Variants in UBAP1 observed in about 807,000 individuals in gnomAD.
The protein encoded by UBAP1 is ubiquitin-associated protein 1.
UBAP1 carries 5 observed loss-of-function variants against 39.0 expected under a neutral mutation model. The observed-to-expected ratio is 0.13, with a 90% CI of 0.07 to 0.27. The LOEUF is 0.27. Ranked by LOEUF, UBAP1 falls within the 10% of genes least tolerant of loss-of-function variation. The pLI is 1.00. For synonymous variants in UBAP1, 211 were observed against 225.1 expected, an observed-to-expected ratio of 0.94 and a Z score of 0.56; for missense variants, 490 against 608.1, an observed-to-expected ratio of 0.81 and a Z score of 2.04.
chr9:34,197,427 C>T (rs2131526097), intron 1 of UBAP1, among the ~76,000 whole-genome samples: 1 of 152,256 alleles, frequency 6.6e-6, no homozygotes, highest in East Asian at 1.9e-4. Context: ...CAAGTGAGAG[C>T]CACTGCACCT....
intron 1 of UBAP1, among the ~76,000 whole-genome samples, chr9:34,183,309 C>T (rs1015196321): frequency 2.0e-5 from 3 of 151,250 alleles, no homozygotes; most frequent in Admixed American, 6.6e-5. Flanking sequence ...TTTGGGGGGC[C>T]GAGGCGGGCG....
chr9:34,200,378 G>C (rs1831300294), intron 1 of UBAP1, among the ~76,000 whole-genome samples: 1 of 152,130 alleles, frequency 6.6e-6, no homozygotes, highest in Non-Finnish European at 1.5e-5. Flanking sequence ...CTGTCAGTCT[G>C]ATCTTCATTC....
At chr9:34,181,028 T>C (rs1337385343) in intron 1 of UBAP1, among the ~76,000 whole-genome samples, 2 of 151,932 alleles carry the variant, frequency 1.3e-5, no homozygotes, top group African/African-American at 4.8e-5. Context: ...CAGGCTGGTC[T>C]CGAACTTCTG....
chr9:34,186,319 C>T (rs988727664), intron 1 of UBAP1, among the ~76,000 whole-genome samples: 4 of 152,094 alleles, frequency 2.6e-5, no homozygotes, highest in Admixed American at 6.6e-5. Context: ...AGATTGGATC[C>T]GGTTCATTAA....
At position 34,251,562 on chromosome 9, in the gene UBAP1, A is replaced by T; in HGVS notation, c.*30A>T. 6.2e-7 allele frequency: 1 copy of T among 1,608,992 alleles called. No homozygotes were observed. The highest frequency in any genetic ancestry group is 8.5e-7 in the Non-Finnish European group (1 of 1,177,708). On this transcript the variant is annotated 3_prime_UTR_variant, in exon 7 of 7. Transcript: ENST00000297661. ...AGGCCCTGCCTAGGCCCTGCCGCAG[A>T]ACCACCATCCCTGGGAGGCCCTGCA...
intron 1 of UBAP1, among the ~76,000 whole-genome samples, chr9:34,209,631 G>T (rs1216654962): frequency 6.6e-6 from 1 of 152,208 alleles, no homozygotes; most frequent in East Asian, 1.9e-4. Flanking sequence ...ATGCTTACTG[G>T]TCTAGAAACC....
chr9:34,242,650 G>A (rs963828507), intron 4 of UBAP1, among the ~76,000 whole-genome samples: 2 of 151,936 alleles, frequency 1.3e-5, no homozygotes, highest in African/African-American at 4.8e-5. Context: ...TCAGCTTCCC[G>A]AATAGCTGGG....
chr9:34,213,774 A>G (rs1389002681), intron 1 of UBAP1, among the ~76,000 whole-genome samples: 2 of 152,166 alleles, frequency 1.3e-5, no homozygotes, highest in Non-Finnish European at 2.9e-5. Context: ...TGAAAACCCT[A>G]AAGCCTCCTC....
chr9:34,236,051 G>A (rs555338916), intron 3 of UBAP1, among the ~76,000 whole-genome samples: 2 of 151,796 alleles, frequency 1.3e-5, no homozygotes, highest in South Asian at 4.2e-4. Flanking sequence ...GTGGAGTCAG[G>A]GTTTCACCAT....
chr9:34,217,783 C>CTTTTTTTTTTTTTTTTTT (rs750494361), intron 1 of UBAP1, among the ~76,000 whole-genome samples: 1 of 41,212 alleles, frequency 2.4e-5, no homozygotes, highest in Non-Finnish European at 4.0e-5. Flanking sequence ...GGATTTCGTT[C>CTTTTTTTTTTTTTTTTTT]TTTTTTTTTT....
At chr9:34,221,311 C>T (rs1023793882) in intron 2 of UBAP1, among the ~76,000 whole-genome samples, 1 of 151,870 alleles carries the variant, frequency 6.6e-6, no homozygotes, top group Non-Finnish European at 1.5e-5. Context: ...GGGTGGATCA[C>T]GAGGTCAGGA....
chr9:34,196,937 T>TGTG (rs1491145601), intron 1 of UBAP1, among the ~76,000 whole-genome samples: 2 of 150,186 alleles, frequency 1.3e-5, no homozygotes, highest in African/African-American at 2.5e-5. Flanking sequence ...TGTGTGTGTG[T>TGTG]TTTTAATTGA....
At chr9:34,215,437 A>C (rs1017262135) in intron 1 of UBAP1, among the ~76,000 whole-genome samples, 3 of 151,944 alleles carry the variant, frequency 2.0e-5, no homozygotes, top group Non-Finnish European at 4.4e-5. Flanking sequence ...TCAGGAATGG[A>C]AAACCAAACA....
intron 1 of UBAP1, among the ~76,000 whole-genome samples, chr9:34,189,701 A>G (rs911051417): frequency 6.6e-6 from 1 of 151,904 alleles, no homozygotes; most frequent in South Asian, 2.1e-4. Flanking sequence ...CAATGGTACA[A>G]TCTTGGCTTA....
Position 34,242,123 on chromosome 9 carries a change from TC to T in UBAP1, c.1083+20del. 1 of 1,559,398 alleles carries T rather than the reference TC, an allele frequency of 6.4e-7. No homozygotes were observed. The highest frequency in any genetic ancestry group is 8.7e-7 in the Non-Finnish European group (1 of 1,148,810). On this transcript the variant is annotated intron_variant, in intron 4 of 6. Coordinates refer to ENST00000297661, the MANE Select transcript of UBAP1 (RefSeq NM_016525.5). ...CTGGTCCCACGGTAAGTCTTTTAAA[TC>T]CCCCGCCGACTCCCATATTTTCCTG...
rs547723861 is a variant in UBAP1 at position 34,181,731 on chromosome 9, C to CTTT, written c.-8+2506_-8+2508dup. The stretch of plus-strand genomic sequence containing the variant: ...ACAGGCGTGAGCCACCGTGCCAGGC[C>CTTT]TTTTTTTTTTTTTTTTTAATGAAGG... On this transcript the variant is annotated intron_variant, in intron 1 of 6. Coordinates refer to ENST00000297661, the MANE Select transcript of UBAP1 (RefSeq NM_016525.5). Among the ~76,000 whole-genome samples the CTTT allele has an allele frequency of 4.8e-4, 57 of 119,806 alleles. 1 individual carries two copies. Among genetic ancestry groups the CTTT allele is most frequent in the Non-Finnish European group, 8.1e-4 (48 of 59,020 alleles). The allele number at this position is 119,806 out of a possible 152,430, so 78.6% of individuals were successfully genotyped here.
chr9:34,195,897 A>AGTCCTTTG (rs1380849652), intron 1 of UBAP1, among the ~76,000 whole-genome samples: 1 of 128,738 alleles, frequency 7.8e-6, no homozygotes, highest in Non-Finnish European at 1.6e-5. Flanking sequence ...ACGTCCGGCC[A>AGTCCTTTG]GTCCTTTGGA....
Position 34,242,281 on chromosome 9 carries a change from T to C in UBAP1, c.1083+173T>C, listed in dbSNP as rs1271797808. Among the ~76,000 whole-genome samples the C allele has an allele frequency of 2.0e-5, 3 of 151,982 alleles. No homozygotes were observed. The East Asian group carries it at 5.8e-4, about 29-fold the overall frequency. ...AGCCTCGACCTCCCGGGCTCAAGCC[T>C]GTTGGGACAACAGGCACATGCCATC... On this transcript the variant is annotated intron_variant, in intron 4 of 6. Coordinates refer to ENST00000297661, the MANE Select transcript of UBAP1 (RefSeq NM_016525.5).
At chr9:34,195,816 C>G (rs947093577) in intron 1 of UBAP1, among the ~76,000 whole-genome samples, 4 of 150,964 alleles carry the variant, frequency 2.6e-5, no homozygotes, top group African/African-American at 9.7e-5. Context: ...AGGCTGGTCT[C>G]GAACTCCTGA....
Sources: allele counts gnomAD v4.1 joint callset (sites outside exome capture counted in the v4.1 genomes callset), GRCh38; gene constraint gnomAD v4.1.1; transcripts MANE v1.5; gene names NCBI Gene and HGNC (gene_info 2026-07-23, HGNC 2026-07-21).